AOAH: variants seen among roughly 807,000 people sequenced by gnomAD.
The protein encoded by AOAH is acyloxyacyl hydrolase, also known as acyloxyacyl hydrolase (neutrophil).
In AOAH, 64 loss-of-function variants were observed where a neutral mutation model predicts 92.2. That is an observed-to-expected ratio of 0.69 (90% CI 0.57 to 0.86). The LOEUF (loss-of-function observed/expected upper bound fraction) is 0.86. AOAH is among the 40% of genes least tolerant of loss of function. The probability of loss-of-function intolerance (pLI) is 0.00; values close to 1 mark genes in which losing one functional copy is unlikely to be tolerated. For synonymous variants in AOAH, 263 were observed against 254.5 expected (o/e 1.03, Z -0.32); for missense variants, 656 against 694.6 (o/e 0.94, Z 0.62).
At chr7:36,660,077 C>T (rs766151042) in intron 3 of AOAH, among the ~76,000 whole-genome samples, 97 of 152,222 alleles carry the variant, frequency 6.4e-4, no homozygotes, top group Admixed American at 1.2e-3. Context: ...CCTCTGCTAA[C>T]AGTAAATAAC....
At chr7:36,549,158 A>G (rs1051956016) in intron 14 of AOAH, among the ~76,000 whole-genome samples, 5 of 152,178 alleles carry the variant, frequency 3.3e-5, no homozygotes, top group African/African-American at 9.7e-5. Flanking sequence ...AGCATAAAAA[A>G]TGTTTTCTCA....
intron 3 of AOAH, among the ~76,000 whole-genome samples, chr7:36,668,328 G>A (rs1338115487): frequency 2.6e-5 from 4 of 152,110 alleles, no homozygotes; most frequent in African/African-American, 4.8e-5. Context: ...TCTTGTCTAC[G>A]TCTAGCTCCA....
At chr7:36,652,635 A>T (rs917986490) in intron 4 of AOAH, among the ~76,000 whole-genome samples, 15 of 152,232 alleles carry the variant, frequency 9.9e-5, no homozygotes, top group African/African-American at 3.4e-4. Context: ...ATGTGGCATC[A>T]TTTAACCCTG....
intron 16 of AOAH, among the ~76,000 whole-genome samples, chr7:36,534,225 C>T (rs1385822813): frequency 6.6e-6 from 1 of 152,176 alleles, no homozygotes; most frequent in African/African-American, 2.4e-5. Flanking sequence ...CTGATGCCCT[C>T]TCCTGCTGTC....
chr7:36,668,324 C>T (rs1795687140), intron 3 of AOAH, among the ~76,000 whole-genome samples: 1 of 152,178 alleles, frequency 6.6e-6, no homozygotes, highest in Admixed American at 6.5e-5. Context: ...ACAGTCTTGT[C>T]TACGTCTAGC....
chr7:36,617,341 A>G (rs992220900), intron 10 of AOAH, among the ~76,000 whole-genome samples: 1 of 152,250 alleles, frequency 6.6e-6, no homozygotes, highest in Admixed American at 6.5e-5. Context: ...AGATCTGCAT[A>G]TATTTCATTC....
intron 2 of AOAH, among the ~76,000 whole-genome samples, chr7:36,681,197 T>C (rs1796622286): frequency 6.6e-6 from 1 of 152,230 alleles, no homozygotes; most frequent in Non-Finnish European, 1.5e-5. Context: ...GTTTTCCTTC[T>C]GTAAAATAGT....
At chr7:36,650,893 C>T (rs1794535586) in intron 4 of AOAH, among the ~76,000 whole-genome samples, 2 of 152,164 alleles carry the variant, frequency 1.3e-5, no homozygotes, top group Admixed American at 6.5e-5. Flanking sequence ...TGTGAGAGAG[C>T]AGGAAAGGGG....
At chr7:36,544,950 TG>T (rs1443146831) in intron 15 of AOAH, among the ~76,000 whole-genome samples, 2 of 152,234 alleles carry the variant, frequency 1.3e-5, no homozygotes, top group Admixed American at 6.5e-5. Context: ...CTAGCATTTG[TG>T]TTTTTGAAAC....
chr7:36,666,776 T>C (rs1795565456), intron 3 of AOAH, among the ~76,000 whole-genome samples: 1 of 152,180 alleles, frequency 6.6e-6, no homozygotes, highest in Non-Finnish European at 1.5e-5. Context: ...TTTTCAATTT[T>C]ATTTAGTTCA....
intron 3 of AOAH, among the ~76,000 whole-genome samples, chr7:36,659,960 A>C (rs1311918371): frequency 6.6e-6 from 1 of 152,170 alleles, no homozygotes; most frequent in African/African-American, 2.4e-5. Context: ...ATATTTTACT[A>C]TCGTGACTTG....
intron 11 of AOAH, among the ~76,000 whole-genome samples, chr7:36,615,365 T>C (rs1425232718): frequency 1.3e-5 from 2 of 152,246 alleles, no homozygotes; most frequent in African/African-American, 4.8e-5. Flanking sequence ...AAGTGCTTTA[T>C]ATTTTAGCAC....
intron 4 of AOAH, among the ~76,000 whole-genome samples, chr7:36,655,792 G>A (rs138741057): frequency 6.6e-6 from 1 of 152,198 alleles, no homozygotes; most frequent in East Asian, 1.9e-4. Flanking sequence ...CTAGACACTG[G>A]GTATAGAGTG....
chr7:36,697,194 T>A (rs1414917731), intron 1 of AOAH, among the ~76,000 whole-genome samples: 1 of 152,196 alleles, frequency 6.6e-6, no homozygotes, highest in Non-Finnish European at 1.5e-5. Context: ...AGATGTCCTT[T>A]ATCAGGTTGA....
At chr7:36,537,478 C>T (rs549375683) in intron 16 of AOAH, among the ~76,000 whole-genome samples, 4 of 150,734 alleles carry the variant, frequency 2.7e-5, no homozygotes, top group Non-Finnish European at 5.9e-5. Context: ...CTGGCCTCTA[C>T]TCACTAGATG....
chr7:36,648,600 A>G (rs2116421335), intron 4 of AOAH, among the ~76,000 whole-genome samples: 1 of 151,054 alleles, frequency 6.6e-6, no homozygotes, highest in South Asian at 2.1e-4. Flanking sequence ...ACAAATTACA[A>G]ATACAATTGC....
At chr7:36,623,997 T>C (rs1359113101) in intron 6 of AOAH, among the ~76,000 whole-genome samples, 6 of 152,330 alleles carry the variant, frequency 3.9e-5, no homozygotes, top group African/African-American at 1.2e-4. Flanking sequence ...ATCCTCTCCA[T>C]AGGGCATACG....
intron 11 of AOAH, among the ~76,000 whole-genome samples, chr7:36,606,323 T>G (rs1433941587): frequency 1.3e-5 from 2 of 152,202 alleles, no homozygotes; most frequent in Admixed American, 1.3e-4. Context: ...AAGGGAGAAA[T>G]GAAGTGCATA....
Position 36,612,895 on chromosome 7 carries a change from ACT to A in AOAH, c.846+3483_846+3484del, listed in dbSNP as rs1348020376. On this transcript the variant is annotated intron_variant, in intron 11 of 20. Transcript: ENST00000617537. ...ATTTTTTTCTTATTGCTACGTAGAA[ACT>A]CTGTTAATTAGAGGATTTAAATCTT... Among the ~76,000 whole-genome samples the A allele has an allele frequency of 4.0e-5, 6 of 151,852 alleles. No homozygotes were observed. In the East Asian group the frequency reaches 7.7e-4, roughly 19 times the overall value.
Sources: gnomAD v4.1 joint callset for allele counts (sites outside exome capture counted in the v4.1 genomes callset) on GRCh38, gnomAD v4.1.1 for gene constraint, MANE v1.5 for transcripts, NCBI Gene and HGNC (gene_info 2026-07-23, HGNC 2026-07-21) for gene names.